KSR2: variants seen among roughly 807,000 people sequenced by gnomAD.
KSR2 encodes kinase suppressor of ras 2.
In KSR2, 25 loss-of-function variants were observed where a neutral mutation model predicts 107.8. The ratio of observed to expected loss-of-function variants is 0.23; its 90% confidence interval spans 0.17 to 0.32. KSR2 has a LOEUF of 0.32. Ranked by LOEUF, KSR2 falls within the 10% of genes least tolerant of loss-of-function variation. The probability of loss-of-function intolerance (pLI) is 1.00; values close to 1 mark genes in which losing one functional copy is unlikely to be tolerated. For synonymous variants in KSR2, 480 were observed against 507.0 expected, an observed-to-expected ratio of 0.95 and a Z score of 0.71; for missense variants, 887 against 1,268.9, an observed-to-expected ratio of 0.70 and a Z score of 4.57.
chr12:117,760,884 A>T, intron 4 of KSR2, 127 bp downstream of exon 4: 1 of 1,210,862 alleles, frequency 8.3e-7, no homozygotes, highest in Non-Finnish European at 1.2e-6. Flanking sequence ...GCCATTTTTC[A>T]TTCAACCAGA....
intron 3 of KSR2, among the ~76,000 whole-genome samples, chr12:117,795,876 G>A (rs886864822): frequency 2.0e-4 from 31 of 152,172 alleles, no homozygotes; most frequent in Middle Eastern, 6.8e-3. Flanking sequence ...CTCCCAAAGC[G>A]CCAGGACTAC....
chr12:117,857,659 G>C (rs758757737), intron 2 of KSR2, among the ~76,000 whole-genome samples: 1 of 152,192 alleles, frequency 6.6e-6, no homozygotes, highest in Non-Finnish European at 1.5e-5. Context: ...TAAGGTTTTT[G>C]ATAGATTTCC....
chr12:117,962,147 TAAA>T (rs36119176), intron 1 of KSR2, among the ~76,000 whole-genome samples: 1,636 of 112,414 alleles, frequency 0.015, 33 homozygotes, highest in African/African-American at 0.052. Flanking sequence ...CCTGTCTCTT[TAAA>T]AAAAAAAAAA....
In KSR2 at chr12:117,467,159, G is replaced by A. The variant is rs775769642; in HGVS notation, c.*40C>T. The stretch of plus-strand genomic sequence containing the variant: ...GACAGAGTAGGGAGGGAGAGGTGAC[G>A]GGAGCCCAGGCAGCTGGGCGCCGTC... On this transcript the variant is annotated 3_prime_UTR_variant, in exon 20 of 20. Coordinates refer to ENST00000339824, the MANE Select transcript of KSR2 (RefSeq NM_173598.6). 5 of 678,836 alleles carry A rather than the reference G, an allele frequency of 7.4e-6. No homozygotes were observed. Among genetic ancestry groups the A allele is most frequent in the African/African-American group, 3.7e-5 (2 of 54,048 alleles). 42.1% of individuals were successfully genotyped at this position (678,836 alleles called of 1,614,324 possible).
intron 1 of KSR2, among the ~76,000 whole-genome samples, chr12:117,953,640 G>A (rs965984705): frequency 2.0e-5 from 3 of 152,204 alleles, no homozygotes; most frequent in African/African-American, 7.2e-5. Flanking sequence ...CAGTTACCAT[G>A]TGCTGGGCCA....
chr12:117,641,204 C>G (rs1351051702), intron 5 of KSR2, among the ~76,000 whole-genome samples: 1 of 152,150 alleles, frequency 6.6e-6, no homozygotes, highest in African/African-American at 2.4e-5. Flanking sequence ...TCAAGCCATT[C>G]TCCTGCCTCA....
At chr12:117,946,750 G>GTAT (rs1896191206) in intron 1 of KSR2, among the ~76,000 whole-genome samples, 1 of 152,072 alleles carries the variant, frequency 6.6e-6, no homozygotes. Flanking sequence ...AAATCTAACA[G>GTAT]TATATTCAAA....
At position 117,463,979 on chromosome 12, in the gene KSR2, G is replaced by C. The variant is rs919815248; in HGVS notation, c.*3220C>G. 1.6e-5 allele frequency: 2 copies of C among 128,410 alleles called. No homozygotes were observed. Among genetic ancestry groups the C allele is most frequent in the Non-Finnish European group, 3.0e-5 (2 of 66,812 alleles). The allele number at this position is 128,410 out of a possible 1,614,324, so 8.0% of individuals were successfully genotyped here. A position where few individuals can be genotyped will look rare whatever the true frequency, so the allele number is the denominator to read the frequency against. On this transcript the variant is annotated 3_prime_UTR_variant, in exon 20 of 20. Coordinates refer to ENST00000339824, the MANE Select transcript of KSR2 (RefSeq NM_173598.6). Reference sequence around the variant, plus strand: ...GAGACAAGTGGATGGGGTGAGGATGGGGGGGTCCATGGCAAGATGAAAATT... The same window carrying C: ...GAGACAAGTGGATGGGGTGAGGATGCGGGGGTCCATGGCAAGATGAAAATT...
intron 5 of KSR2, among the ~76,000 whole-genome samples, chr12:117,607,192 G>C (rs1254713557): frequency 6.6e-6 from 1 of 152,190 alleles, no homozygotes; most frequent in Non-Finnish European, 1.5e-5. Context: ...GCTCAGAGCA[G>C]TCACTAACGA....
chr12:117,799,511 G>GA (rs564212988), intron 3 of KSR2, among the ~76,000 whole-genome samples: 199 of 143,936 alleles, frequency 1.4e-3, no homozygotes, highest in Non-Finnish European at 2.2e-3. Flanking sequence ...AAAAAAAAAA[G>GA]AAAAAAAAAG....
chr12:117,846,914 A>G (rs1349454578), intron 3 of KSR2, among the ~76,000 whole-genome samples: 1 of 152,108 alleles, frequency 6.6e-6, no homozygotes, highest in African/African-American at 2.4e-5. Flanking sequence ...GTTATCCCCA[A>G]CCCCTCCTGG....
intron 3 of KSR2, among the ~76,000 whole-genome samples, chr12:117,792,630 C>G (rs963230503): frequency 1.3e-5 from 2 of 152,226 alleles, no homozygotes; most frequent in African/African-American, 4.8e-5. Flanking sequence ...CTCCCAGCCC[C>G]GCGGCCCCTG....
chr12:117,542,258 T>G (rs949700114), intron 9 of KSR2, among the ~76,000 whole-genome samples: 7 of 152,346 alleles, frequency 4.6e-5, no homozygotes, highest in African/African-American at 1.4e-4. Flanking sequence ...AAATGAGTTA[T>G]GTAGGTACCC....
At chr12:117,883,749 A>G (rs1008674078) in intron 1 of KSR2, among the ~76,000 whole-genome samples, 4 of 151,996 alleles carry the variant, frequency 2.6e-5, no homozygotes, top group African/African-American at 9.7e-5. Flanking sequence ...GGTGGCAGGC[A>G]TCTGTAATCC....
intron 5 of KSR2, among the ~76,000 whole-genome samples, chr12:117,640,044 C>A (rs2136400807): frequency 6.6e-6 from 1 of 152,184 alleles, no homozygotes; most frequent in East Asian, 1.9e-4. Flanking sequence ...TTGACTAACC[C>A]AGCCAACATT....
At chr12:117,479,512 C>T (rs1231943001) in intron 16 of KSR2, among the ~76,000 whole-genome samples, 3 of 152,172 alleles carry the variant, frequency 2.0e-5, no homozygotes, top group Non-Finnish European at 4.4e-5. Flanking sequence ...CAGCAGCATC[C>T]CTGGCCTCTA....
chr12:117,951,820 A>G (rs987809933), intron 1 of KSR2, among the ~76,000 whole-genome samples: 2 of 152,188 alleles, frequency 1.3e-5, no homozygotes, highest in Non-Finnish European at 2.9e-5. Context: ...AAGCGAATCC[A>G]ACTCAACAGA....
At chr12:117,722,797 C>A (rs11068650) in intron 4 of KSR2, among the ~76,000 whole-genome samples, 57,884 of 151,916 alleles carry the variant, frequency 0.38, 11,201 homozygotes, top group Middle Eastern at 0.49. Context: ...TCTTTCTTGC[C>A]CGAGATCTAA....
At chr12:117,740,707 C>T (rs1200588762) in intron 4 of KSR2, among the ~76,000 whole-genome samples, 1 of 145,510 alleles carries the variant, frequency 6.9e-6, no homozygotes, top group East Asian at 2.0e-4. Context: ...CACAATTTAT[C>T]CACTCATCGA....
Sources: allele counts gnomAD v4.1 joint callset (sites outside exome capture counted in the v4.1 genomes callset), GRCh38; gene constraint gnomAD v4.1.1; transcripts MANE v1.5; gene names NCBI Gene and HGNC (gene_info 2026-07-23, HGNC 2026-07-21).